The following FAAH2 variants were observed in gnomAD, a reference collection of about 807,000 sequenced individuals.
FAAH2 encodes the protein fatty-acid amide hydrolase 2.
Under a neutral mutation model 36.9 loss-of-function variants are expected in FAAH2, and 60 were observed. The observed-to-expected ratio is 1.63, with a 90% CI of 1.32 to 2.02. The LOEUF is 2.02. Ranked by LOEUF, FAAH2 falls within the 30% of genes most tolerant of loss-of-function variation. FAAH2 has a pLI of 0.00. For synonymous variants in FAAH2, 214 were observed against 143.8 expected (o/e 1.49, Z -3.49); for missense variants, 689 against 397.5 (o/e 1.73, Z -6.23).
the FAAH2 span, among the ~76,000 whole-genome samples, chrX:57,231,510 T>C: frequency 8.9e-6 from 1 of 111,858 alleles, no homozygotes; most frequent in East Asian, 2.8e-4. Flanking sequence ...TTGAATTTTT[T>C]TGTAGCCTTT....
At chrX:57,270,940 T>C in the FAAH2 span, among the ~76,000 whole-genome samples, 25 of 111,963 alleles carry the variant, frequency 2.2e-4, no homozygotes, top group Middle Eastern at 0.018. Flanking sequence ...GCTCTTTTTT[T>C]CCCATACCCC....
intron 10 of FAAH2, among the ~76,000 whole-genome samples, chrX:57,454,930 C>T (rs1569357118): frequency 9.0e-6 from 1 of 111,139 alleles, no homozygotes; most frequent in Admixed American, 9.6e-5. Context: ...GGAGGACATA[C>T]AAATTCAATA....
chrX:57,368,821 A>G (rs2054482954), intron 5 of FAAH2, among the ~76,000 whole-genome samples: 2 of 111,317 alleles, frequency 1.8e-5, no homozygotes, highest in African/African-American at 6.5e-5. Context: ...TGAAAAGTCA[A>G]GGAAATATGA....
At chrX:57,488,690 A>G (rs1033866369) in intron 10 of FAAH2, 67 bp from the exon 11 acceptor site, 2 of 1,060,630 alleles carry the variant, frequency 1.9e-6, no homozygotes, top group African/African-American at 3.8e-5. Context: ...TATTGGTAAA[A>G]TAATTGAAAA....
chrX:57,172,598 A>G, the FAAH2 span, among the ~76,000 whole-genome samples: 1 of 112,404 alleles, frequency 8.9e-6, no homozygotes, highest in South Asian at 3.7e-4. Context: ...GCCTTGGTGT[A>G]CTAGAAGAAT....
At chrX:57,461,271 T>C (rs765112777) in intron 10 of FAAH2, among the ~76,000 whole-genome samples, 3 of 111,556 alleles carry the variant, frequency 2.7e-5, no homozygotes, top group Admixed American at 9.5e-5. Context: ...GCAAGGATAT[T>C]CAGGACTTGA....
At chrX:57,445,455 A>C (rs778673603) in intron 8 of FAAH2, among the ~76,000 whole-genome samples, 3 of 111,513 alleles carry the variant, frequency 2.7e-5, no homozygotes, top group Non-Finnish European at 5.6e-5. Flanking sequence ...TTAAGCTAGC[A>C]CAGTACGGGG....
chrX:57,308,929 C>T (rs767629875), intron 2 of FAAH2, among the ~76,000 whole-genome samples: 2 of 111,700 alleles, frequency 1.8e-5, no homozygotes, highest in African/African-American at 3.2e-5. Flanking sequence ...TGAGAGTTCC[C>T]TAATTTTTAT....
the FAAH2 span, among the ~76,000 whole-genome samples, chrX:57,193,589 A>G: frequency 9.0e-6 from 1 of 111,501 alleles, no homozygotes; most frequent in South Asian, 3.8e-4. Flanking sequence ...GAACCTACCG[A>G]CATATTATGT....
intron 10 of FAAH2, among the ~76,000 whole-genome samples, chrX:57,484,990 A>T (rs1344721312): frequency 9.0e-6 from 1 of 111,474 alleles, no homozygotes; most frequent in African/African-American, 3.3e-5. Context: ...AGGTGGTGGG[A>T]ACCTGAGGGT....
At chrX:57,293,487 CATGA>C (rs1231153138) in intron 2 of FAAH2, among the ~76,000 whole-genome samples, 1 of 111,648 alleles carries the variant, frequency 9.0e-6, no homozygotes, top group African/African-American at 3.3e-5. Context: ...ATGTGACAAC[CATGA>C]TTCAAGAATA....
At chrX:57,437,258 C>A (rs1007627201) in intron 8 of FAAH2, among the ~76,000 whole-genome samples, 1 of 110,344 alleles carries the variant, frequency 9.1e-6, no homozygotes, top group Non-Finnish European at 1.9e-5. Context: ...TACAACAAAC[C>A]CAAATCTAAT....
chrX:57,439,358 A>G (rs1321013163), intron 8 of FAAH2, among the ~76,000 whole-genome samples: 3 of 111,628 alleles, frequency 2.7e-5, no homozygotes, highest in African/African-American at 9.8e-5. Flanking sequence ...GCCAGTGATG[A>G]TGAGCATTTT....
At chrX:57,383,048 G>T (rs2054900887) in intron 7 of FAAH2, among the ~76,000 whole-genome samples, 1 of 111,532 alleles carries the variant, frequency 9.0e-6, no homozygotes, top group African/African-American at 3.3e-5. Flanking sequence ...ACGTAATCCA[G>T]CATATAAACA....
At chrX:57,275,509 G>A in the FAAH2 span, among the ~76,000 whole-genome samples, 1 of 112,139 alleles carries the variant, frequency 8.9e-6, no homozygotes, top group Non-Finnish European at 1.9e-5. Flanking sequence ...GGAAGAAACT[G>A]AATCAATTAA....
Position 57,341,342 on chromosome X carries a change from C to A in FAAH2, c.694C>A (p.Arg232=), listed in dbSNP as rs1394464687. The change falls in exon 5 of 11, where the codon CGA becomes AGA. Residue 232 remains arginine (R), a synonymous_variant. Transcript: ENST00000374900. ...GGGCTCTGATATTGGTGGTAGCATT[C>A]GAATGCCTGCTTTCTTCAATGGTAT... ...GVGSDIGGSI[R]MPAFFNGIFG... The A allele has an allele frequency of 2.5e-6, 3 of 1,210,019 alleles. No homozygotes were observed. The highest frequency in any genetic ancestry group is 1.1e-6 in the Non-Finnish European group (1 of 894,528).
chrX:57,183,336 T>A, the FAAH2 span, among the ~76,000 whole-genome samples: 2 of 108,872 alleles, frequency 1.8e-5, no homozygotes, highest in African/African-American at 6.8e-5. Flanking sequence ...ATGTGCAGAT[T>A]AGTAATTAAT....
chrX:57,283,498 A>G (rs2051773066), upstream of FAAH2, among the ~76,000 whole-genome samples: 1 of 111,123 alleles, frequency 9.0e-6, no homozygotes, highest in African/African-American at 3.3e-5. Context: ...CTCCAGCCTG[A>G]GGGCAGCAGG....
At chrX:57,203,485 T>C in the FAAH2 span, among the ~76,000 whole-genome samples, 1 of 112,007 alleles carries the variant, frequency 8.9e-6, no homozygotes, top group African/African-American at 3.2e-5. Context: ...ATGGCCAGTT[T>C]TGAGGCCAGT....
Sources: gnomAD v4.1 joint callset for allele counts (sites outside exome capture counted in the v4.1 genomes callset) on GRCh38, gnomAD v4.1.1 for gene constraint, MANE v1.5 for transcripts, NCBI Gene and HGNC (gene_info 2026-07-23, HGNC 2026-07-21) for gene names.